SEMA3C: variants seen among roughly 807,000 people sequenced by gnomAD.
SEMA3C encodes semaphorin 3C.
A neutral mutation model predicts 89.4 loss-of-function variants in SEMA3C; 47 were observed. The ratio of observed to expected loss-of-function variants is 0.53; its 90% CI spans 0.42 to 0.67. SEMA3C has a LOEUF of 0.67. SEMA3C is among the 30% of genes least tolerant of loss of function. The pLI is 0.00. For missense variants in SEMA3C, 839 were observed against 929.1 expected, an observed-to-expected ratio of 0.90 and a Z score of 1.26; for synonymous variants, 310 against 320.2, an observed-to-expected ratio of 0.97 and a Z score of 0.34.
chr7:80,819,712 C>G (rs1396141735), intron 4 of SEMA3C, among the ~76,000 whole-genome samples: 3 of 152,092 alleles, frequency 2.0e-5, no homozygotes, highest in Non-Finnish European at 4.4e-5. Flanking sequence ...ATTTATTCAC[C>G]CAATGAAACA....
At position 80,873,623 on chromosome 7, in the gene SEMA3C, T is replaced by C. The variant is rs117802394; in HGVS notation, c.103+43056A>G. ...ATTTTCAGAGTTGAAGCTCTCTTCA[T>C]TGCCATTCCTCTTGGCCTAAGTCAC... On this transcript the variant is annotated intron_variant, in intron 2 of 17. Coordinates refer to ENST00000265361, the MANE Select transcript of SEMA3C (RefSeq NM_006379.5). Among the ~76,000 whole-genome samples the C allele has an allele frequency of 1.1e-3, 166 of 152,288 alleles. 3 individuals are homozygous for C. In the East Asian group the frequency reaches 0.03, roughly 27 times the overall value.
intron 12 of SEMA3C, among the ~76,000 whole-genome samples, chr7:80,774,819 C>T (rs1788509931): frequency 1.3e-5 from 2 of 151,954 alleles, no homozygotes; most frequent in African/African-American, 4.8e-5. Context: ...TGGCCATACA[C>T]TTCCCAAATT....
chr7:80,777,774 G>T (rs1358211297), intron 12 of SEMA3C, among the ~76,000 whole-genome samples: 1 of 152,148 alleles, frequency 6.6e-6, no homozygotes, highest in Non-Finnish European at 1.5e-5. Context: ...CTTTAGGCAG[G>T]TTAATTGAAA....
At chr7:80,874,521 C>T (rs1791152680) in intron 2 of SEMA3C, among the ~76,000 whole-genome samples, 1 of 151,694 alleles carries the variant, frequency 6.6e-6, no homozygotes, top group South Asian at 2.1e-4. Flanking sequence ...GGCTGGAGTG[C>T]AATGGCACGA....
At chr7:80,850,354 T>C (rs1790482901) in intron 2 of SEMA3C, among the ~76,000 whole-genome samples, 1 of 152,192 alleles carries the variant, frequency 6.6e-6, no homozygotes, top group Non-Finnish European at 1.5e-5. Flanking sequence ...ATGATAGTTC[T>C]AAAACGGAAA....
intron 2 of SEMA3C, among the ~76,000 whole-genome samples, chr7:80,904,317 A>G (rs1791955812): frequency 6.6e-6 from 1 of 152,206 alleles, no homozygotes; most frequent in African/African-American, 2.4e-5. Context: ...CTGGGATTAC[A>G]GGCATGAGCC....
chr7:80,881,402 T>C (rs999515181), intron 2 of SEMA3C, among the ~76,000 whole-genome samples: 1 of 152,202 alleles, frequency 6.6e-6, no homozygotes, highest in African/African-American at 2.4e-5. Flanking sequence ...TGAAGTCATT[T>C]TGTTTTTTAT....
In SEMA3C at chr7:80,812,809, CA is replaced by C. The variant is rs1789499819; in HGVS notation, c.448-2109del. ...TTGTTGTTTGTTTGTCTTTTAAAGA[CA>C]GGGTCTAGCTCTGTCACCTGGGCTG... On this transcript the variant is annotated intron_variant, in intron 5 of 17. Coordinates refer to ENST00000265361, the MANE Select transcript of SEMA3C (RefSeq NM_006379.5). Among the ~76,000 whole-genome samples the C allele has an allele frequency of 3.9e-5, 6 of 152,102 alleles. No homozygotes were observed. In the South Asian group the frequency reaches 1.2e-3, roughly 32 times the overall value.
At chr7:80,823,379 C>A (rs73372957) in intron 4 of SEMA3C, among the ~76,000 whole-genome samples, 2,003 of 152,182 alleles carry the variant, frequency 0.013, 49 homozygotes, top group African/African-American at 0.045. Flanking sequence ...GGTTTATTTT[C>A]TGTTGCTTTC....
chr7:80,798,832 T>C (rs1257550552), intron 10 of SEMA3C, among the ~76,000 whole-genome samples: 2 of 152,334 alleles, frequency 1.3e-5, no homozygotes, highest in South Asian at 2.1e-4. Context: ...TAAAATTTGT[T>C]TGAATCTTTA....
intron 4 of SEMA3C, among the ~76,000 whole-genome samples, chr7:80,822,642 C>A (rs1231801244): frequency 6.6e-6 from 1 of 152,094 alleles, no homozygotes; most frequent in East Asian, 1.9e-4. Context: ...TAGGTTTAAA[C>A]CTTGGCTTCA....
chr7:80,875,945 A>T (rs1054268207), intron 2 of SEMA3C, among the ~76,000 whole-genome samples: 4 of 143,988 alleles, frequency 2.8e-5, no homozygotes, highest in Non-Finnish European at 6.1e-5. Context: ...GAAGGAAGTT[A>T]AAAAAAAAAA....
In SEMA3C at chr7:80,744,879, C is replaced by A. The variant is rs1562854052; in HGVS notation, c.*15G>T. 1 of 1,613,398 alleles carries A rather than the reference C, an allele frequency of 6.2e-7. No homozygotes were observed. ...GCATTTGTTAATGGAAGCATAAGAC[C>A]CACATAAGAAAATATTATGACTCTG... is the stretch of plus-strand genomic sequence containing the variant. On this transcript the variant is annotated 3_prime_UTR_variant, in exon 18 of 18. Transcript: ENST00000265361.
At chr7:80,864,972 T>G (rs1383406708) in intron 2 of SEMA3C, among the ~76,000 whole-genome samples, 3 of 152,176 alleles carry the variant, frequency 2.0e-5, no homozygotes, top group Admixed American at 6.5e-5. Flanking sequence ...CACATCTTTT[T>G]TGTTGCATTT....
chr7:80,835,552 T>C (rs1055561585), intron 2 of SEMA3C, among the ~76,000 whole-genome samples: 1 of 152,098 alleles, frequency 6.6e-6, no homozygotes, highest in Non-Finnish European at 1.5e-5. Flanking sequence ...CTTATTGTTT[T>C]GAAACTGGAT....
intron 2 of SEMA3C, among the ~76,000 whole-genome samples, chr7:80,894,274 A>G (rs1425909917): frequency 6.6e-6 from 1 of 152,160 alleles, no homozygotes; most frequent in Non-Finnish European, 1.5e-5. Flanking sequence ...AAGAAAACAC[A>G]GTAAGTTAGA....
At chr7:80,754,957 G>GTTTTTTTTTTGTTTTTTTTGTTTTT (rs1449995090) in intron 15 of SEMA3C, among the ~76,000 whole-genome samples, 1 of 108,368 alleles carries the variant, frequency 9.2e-6, no homozygotes, top group African/African-American at 3.5e-5. Flanking sequence ...GTTTTTTTTT[G>GTTTTTTTTTTGTTTTTTTTGTTTTT]TTTTTTTTTT....
At chr7:80,871,161 G>A (rs1791047894) in intron 2 of SEMA3C, among the ~76,000 whole-genome samples, 1 of 152,178 alleles carries the variant, frequency 6.6e-6, no homozygotes, top group South Asian at 2.1e-4. Context: ...TGTAAGAAAT[G>A]CACGAAGGTT....
Position 80,827,392 on chromosome 7 carries a change from GTTTTTTTTTTTTT to G in SEMA3C, c.327+20_327+32del, listed in dbSNP as rs36066966. On this transcript the variant is annotated intron_variant, in intron 4 of 17. Coordinates refer to ENST00000265361, the MANE Select transcript of SEMA3C (RefSeq NM_006379.5). ...TCGAAAACCAAATATTTAAGTTAGTGTTTTTTTTTTTTTTTTTTTTTTTAACACTTACTGTGGG... is the reference window on the plus strand; with the variant it reads ...TCGAAAACCAAATATTTAAGTTAGTGTTTTTTTTTTAACACTTACTGTGGG... 8.1e-7 allele frequency: 1 copy of G among 1,232,228 alleles called. No homozygotes were observed. 76.3% of individuals were successfully genotyped at this position (1,232,228 alleles called of 1,614,324 possible).
Sources: gnomAD v4.1 joint callset for allele counts (sites outside exome capture counted in the v4.1 genomes callset) on GRCh38, gnomAD v4.1.1 for gene constraint, MANE v1.5 for transcripts, NCBI Gene and HGNC (gene_info 2026-07-23, HGNC 2026-07-21) for gene names.